LYZL1: variants seen among roughly 807,000 people sequenced by gnomAD.
LYZL1 encodes the protein lysozyme-like protein 1.
In LYZL1, 16 loss-of-function variants were observed where a neutral mutation model predicts 17.9. The observed-to-expected ratio is 0.90, with a 90% CI of 0.61 to 1.36. The LOEUF is 1.36. LYZL1 is among the 40% of genes most tolerant of loss of function. LYZL1 has a pLI of 0.00. For missense variants in LYZL1, 149 were observed against 188.4 expected, an observed-to-expected ratio of 0.79 and a Z score of 1.22; for synonymous variants, 58 against 71.8, an observed-to-expected ratio of 0.81 and a Z score of 0.97.
intron 1 of LYZL1, among the ~76,000 whole-genome samples, chr10:29,289,850 C>T (rs2493338): frequency 0.63 from 96,025 of 152,048 alleles, 30,513 homozygotes; most frequent in East Asian, 0.8. Context: ...TATACGGCCT[C>T]AAACACAATT....
chr10:29,300,311 G>A (rs1464767547), intron 3 of LYZL1, among the ~76,000 whole-genome samples: 1 of 151,172 alleles, frequency 6.6e-6, no homozygotes, highest in Admixed American at 6.6e-5. Context: ...TTTGTTTTTA[G>A]TAGTTACTCT....
chr10:29,310,138 A>T lies in LYZL1; in HGVS notation c.327A>T (p.Ala109=), dbSNP rs755626429. ...TGATCACTGATGACCTCACAGATGC[A>T]ATTATCTGTGCCAGGAAAATTGTTA... ...SALITDDLTD[A]IICARKIVKE... is the part of the protein sequence containing the mutation. Residue 109 remains alanine (A), a synonymous_variant, in exon 4 of 5, where the codon GCA becomes GCT. Transcript: ENST00000649382. The T allele has an allele frequency of 6.2e-7, 1 of 1,612,240 alleles. No individual in the cohort carries two copies. The highest frequency in any genetic ancestry group is 8.5e-7 in the Non-Finnish European group (1 of 1,178,386).
intron 3 of LYZL1, among the ~76,000 whole-genome samples, chr10:29,309,364 C>T (rs80215345): frequency 6.6e-6 from 1 of 151,998 alleles, no homozygotes; most frequent in Non-Finnish European, 1.5e-5. Flanking sequence ...CAAAACAAAA[C>T]AAAACCCTGG....
chr10:29,315,455 G>A (rs1835718778), downstream of LYZL1, among the ~76,000 whole-genome samples: 1 of 152,032 alleles, frequency 6.6e-6, no homozygotes, highest in South Asian at 2.1e-4. Context: ...AGGTTGCAGG[G>A]AGCCGAGATT....
At chr10:29,314,097 T>A (rs1399003700), downstream of LYZL1, among the ~76,000 whole-genome samples, 2 of 152,182 alleles carry the variant, frequency 1.3e-5, no homozygotes, top group East Asian at 3.9e-4. Flanking sequence ...GTGTCCTTGC[T>A]CTTGGTTTTT....
Position 29,292,639 on chromosome 10 carries a change from A to C in LYZL1, c.260A>C (p.Lys87Thr). ...INSFAWCRRG[K>T]LKENNHCHVA... ...AGCTTCGCGTGGTGCAGACGCGGAA[A>C]GCTGAAGGAGAACAACCACTGCCAT... The change falls in exon 3 of 5, where the codon AAG becomes ACG. Residue 87 changes from lysine (K) to threonine (T), a missense_variant. By Grantham distance (78) the Lys-to-Thr change is moderately conservative. Coordinates refer to ENST00000649382, the MANE Select transcript of LYZL1 (RefSeq NM_032517.6). 6.2e-7 allele frequency: 1 copy of C among 1,614,218 alleles called. No homozygotes were observed. Among genetic ancestry groups the C allele is most frequent in the Non-Finnish European group, 8.5e-7 (1 of 1,180,024 alleles).
At chr10:29,309,210 T>G (rs566777569) in intron 3 of LYZL1, among the ~76,000 whole-genome samples, 1 of 151,944 alleles carries the variant, frequency 6.6e-6, no homozygotes, top group South Asian at 2.1e-4. Context: ...ACACCTGTAA[T>G]TCCAGCTACT....
chr10:29,303,778 T>C (rs1356637093), intron 3 of LYZL1, among the ~76,000 whole-genome samples: 1 of 152,238 alleles, frequency 6.6e-6, no homozygotes, highest in African/African-American at 2.4e-5. Flanking sequence ...GAGAGTTTTT[T>C]ATTAGAACAA....
chr10:29,292,886 AC>A (rs1304402787), intron 3 of LYZL1, among the ~76,000 whole-genome samples: 2 of 152,166 alleles, frequency 1.3e-5, no homozygotes, highest in African/African-American at 2.4e-5. Flanking sequence ...TTCCTTGTAG[AC>A]AGTTTTATGA....
At chr10:29,289,925 A>G (rs1482367765) in intron 1 of LYZL1, among the ~76,000 whole-genome samples, 1 of 152,220 alleles carries the variant, frequency 6.6e-6, no homozygotes, top group Non-Finnish European at 1.5e-5. Flanking sequence ...GGGTGTAGCT[A>G]TGTTTCAATA....
intron 3 of LYZL1, among the ~76,000 whole-genome samples, chr10:29,309,764 G>A (rs892107350): frequency 1.3e-5 from 2 of 152,154 alleles, no homozygotes; most frequent in Non-Finnish European, 2.9e-5. Flanking sequence ...CCAAACTGCT[G>A]GTATTACAGG....
At chr10:29,306,796 ATGTGTGTGTGTGTGTG>A (rs35332190) in intron 3 of LYZL1, among the ~76,000 whole-genome samples, 1 of 141,082 alleles carries the variant, frequency 7.1e-6, no homozygotes, top group Non-Finnish European at 1.5e-5. Flanking sequence ...CCGCTTATGT[ATGTGTGTGTGTGTGTG>A]TGTGTGTGTG....
intron 3 of LYZL1, among the ~76,000 whole-genome samples, chr10:29,309,057 G>A (rs1456119626): frequency 4.0e-5 from 6 of 151,752 alleles, no homozygotes; most frequent in African/African-American, 1.2e-4. Flanking sequence ...GACTGGGTGC[G>A]ATGGCTCACA....
At chr10:29,310,831 G>A (rs1835661423) in intron 4 of LYZL1, among the ~76,000 whole-genome samples, 159 bp from the exon 5 acceptor site, 3 of 152,192 alleles carry the variant, frequency 2.0e-5, no homozygotes, top group Admixed American at 1.3e-4. Flanking sequence ...ACAAAAGTCT[G>A]AACTAGGCAA....
At chr10:29,303,723 A>G (rs557591905) in intron 3 of LYZL1, among the ~76,000 whole-genome samples, 2 of 152,334 alleles carry the variant, frequency 1.3e-5, no homozygotes, top group South Asian at 4.1e-4. Context: ...TGTTGGTTTT[A>G]TAACTAACCA....
chr10:29,311,815 T>TA (rs1363264315), downstream of LYZL1, among the ~76,000 whole-genome samples: 19 of 151,700 alleles, frequency 1.3e-4, no homozygotes, highest in Non-Finnish European at 2.2e-4. Context: ...CCGTCTCTAC[T>TA]AAAAATACAA....
At chr10:29,311,501 CT>C, downstream of LYZL1, among the ~76,000 whole-genome samples, 1 of 152,272 alleles carries the variant, frequency 6.6e-6, no homozygotes, top group East Asian at 1.9e-4. Context: ...GAAGGACCGT[CT>C]ATGCATGCCC....
At chr10:29,313,227 A>G (rs1363369451), downstream of LYZL1, among the ~76,000 whole-genome samples, 1 of 152,264 alleles carries the variant, frequency 6.6e-6, no homozygotes, top group African/African-American at 2.4e-5. Flanking sequence ...AAGAATTGAA[A>G]AGTAATTTTA....
chr10:29,299,926 G>A (rs1196431794), intron 3 of LYZL1, among the ~76,000 whole-genome samples: 1 of 152,190 alleles, frequency 6.6e-6, no homozygotes, highest in African/African-American at 2.4e-5. Context: ...GTCAGCAAAT[G>A]TTTGCCTAAA....
Sources: gnomAD v4.1 joint callset for allele counts (sites outside exome capture counted in the v4.1 genomes callset) on GRCh38, gnomAD v4.1.1 for gene constraint, MANE v1.5 for transcripts, NCBI Gene and HGNC (gene_info 2026-07-23, HGNC 2026-07-21) for gene names.